GPAT3: variants seen among roughly 807,000 people sequenced by gnomAD.
The protein encoded by GPAT3 is 1-AGP acyltransferase 9.
A neutral mutation model predicts 58.8 loss-of-function variants in GPAT3; 53 were observed. The ratio of observed to expected loss-of-function variants is 0.90; its 90% confidence interval spans 0.72 to 1.13. GPAT3 has a LOEUF of 1.13. Ranked by LOEUF, GPAT3 falls within the 50% of genes most tolerant of loss-of-function variation. The probability of loss-of-function intolerance (pLI) is 0.00; values close to 1 mark genes in which losing one functional copy is unlikely to be tolerated. For missense variants in GPAT3, 511 were observed against 527.6 expected (o/e 0.97, Z 0.31); for synonymous variants, 197 against 187.4 (o/e 1.05, Z -0.42).
At chr4:83,562,458 G>A (rs1725211493) in intron 2 of GPAT3, among the ~76,000 whole-genome samples, 1 of 151,374 alleles carries the variant, frequency 6.6e-6, no homozygotes, top group South Asian at 2.1e-4. Context: ...GTGTGTGGGA[G>A]AAGTGGAGAA....
chr4:83,576,990 C>T (rs1725845209), intron 2 of GPAT3, among the ~76,000 whole-genome samples: 2 of 152,134 alleles, frequency 1.3e-5, no homozygotes, highest in African/African-American at 2.4e-5. Context: ...AACCTGGAAG[C>T]ACCACTTTCA....
intron 2 of GPAT3, among the ~76,000 whole-genome samples, chr4:83,578,159 T>A (rs557178356): frequency 2.4e-4 from 36 of 152,324 alleles, no homozygotes; most frequent in African/African-American, 8.4e-4. Flanking sequence ...TGTTTTCAAA[T>A]GTTTCATCAA....
chr4:83,538,249 G>A (rs1202593411), intron 1 of GPAT3, among the ~76,000 whole-genome samples: 2 of 152,080 alleles, frequency 1.3e-5, no homozygotes, highest in Non-Finnish European at 2.9e-5. Flanking sequence ...TCTTGTTTGT[G>A]GCTATTTCTT....
At chr4:83,538,982 G>T (rs901961045) in intron 1 of GPAT3, among the ~76,000 whole-genome samples, 2 of 152,144 alleles carry the variant, frequency 1.3e-5, no homozygotes, top group African/African-American at 4.8e-5. Context: ...GGTTGCGGCT[G>T]CCTGGAACTC....
chr4:83,583,564 A>G (rs1364517521), intron 3 of GPAT3, among the ~76,000 whole-genome samples: 4 of 140,936 alleles, frequency 2.8e-5, no homozygotes, highest in Admixed American at 1.5e-4. Flanking sequence ...GCTACTTGGG[A>G]GGCTGAGGCA....
rs749608403 is a variant in GPAT3, at chr4:83,581,762, A to C, written c.409A>C (p.Ile137Leu). ...AAGAACCAATGTAAATTTCCAGTAC[A>C]TCAGTCTGCGGCTCACTATGGTGTG... The part of the protein sequence containing the change: ...LTRTNVNFQY[I>L]SLRLTMVWVL... Residue 137 changes from isoleucine (I) to leucine (L), a missense_variant, in exon 3 of 12, where the codon ATC becomes CTC. By Grantham distance (5) the Ile-to-Leu change is conservative. Transcript: ENST00000264409. 3.7e-6 allele frequency: 6 copies of C among 1,614,200 alleles called. No individual in the cohort carries two copies. The highest frequency in any genetic ancestry group is 4.2e-6 in the Non-Finnish European group (5 of 1,180,036).
At chr4:83,537,947 C>T (rs1209901574) in intron 1 of GPAT3, among the ~76,000 whole-genome samples, 1 of 152,054 alleles carries the variant, frequency 6.6e-6, no homozygotes, top group East Asian at 1.9e-4. Flanking sequence ...ACTCCTATTT[C>T]CATAGGGTTG....
chr4:83,566,803 T>C (rs1725410833), intron 2 of GPAT3, among the ~76,000 whole-genome samples: 1 of 151,818 alleles, frequency 6.6e-6, no homozygotes, highest in Non-Finnish European at 1.5e-5. Flanking sequence ...CTTTTTTTTT[T>C]TTCCCCATTT....
At chr4:83,581,095 CAAAA>C (rs35894737) in intron 2 of GPAT3, among the ~76,000 whole-genome samples, 1 of 70,292 alleles carries the variant, frequency 1.4e-5, no homozygotes, top group Non-Finnish European at 2.5e-5. Flanking sequence ...GACTCCGTCT[CAAAA>C]AAAAAAAAAA....
intron 2 of GPAT3, among the ~76,000 whole-genome samples, chr4:83,575,417 T>C (rs1725773882): frequency 6.6e-6 from 1 of 152,040 alleles, no homozygotes; most frequent in African/African-American, 2.4e-5. Flanking sequence ...TTATTTTATT[T>C]ATTTATTTTT....
rs1560610763 is a variant in GPAT3, at chr4:83,562,188, TATATATATATA to T, written c.208+17598_208+17608del. ...CTAGTTATTTTATATATTATATATA[TATATATATATA>T]ATATATATATATTATATATATATAT... is the stretch of plus-strand genomic sequence containing the variant. On this transcript the variant is annotated intron_variant, in intron 2 of 11. Coordinates refer to ENST00000264409, the MANE Select transcript of GPAT3 (RefSeq NM_032717.5). 6.8e-4 allele frequency among the ~76,000 whole-genome samples: 36 copies of T among 52,780 alleles called. 1 individual carries two copies. Among genetic ancestry groups the T allele is most frequent in the African/African-American group, 3.7e-3 (32 of 8,610 alleles). The allele number at this position is 52,780 out of a possible 152,430, so 34.6% of individuals were successfully genotyped here.
chr4:83,595,218 G>C (rs1333938376), intron 7 of GPAT3: 2 of 253,336 alleles, frequency 7.9e-6, no homozygotes, highest in African/African-American at 4.5e-5. Flanking sequence ...TCCAGTCACT[G>C]AATTTTCAAA....
At position 83,590,305 on chromosome 4, in the gene GPAT3, C is replaced by T; in HGVS notation, c.738+13C>T. 1.9e-6 allele frequency: 3 copies of T among 1,605,424 alleles called. No individual in the cohort carries two copies. The highest frequency in any genetic ancestry group is 2.6e-6 in the Non-Finnish European group (3 of 1,175,434). On this transcript the variant is annotated intron_variant, in intron 6 of 11. Coordinates refer to ENST00000264409, the MANE Select transcript of GPAT3 (RefSeq NM_032717.5). ...ATGTTATGCTATGGTAAGAGCAGCTCATTGATATTTCAAGTAGTTGCATGT... is the reference window on the plus strand; with the variant it reads ...ATGTTATGCTATGGTAAGAGCAGCTTATTGATATTTCAAGTAGTTGCATGT...
At position 83,594,860 on chromosome 4, in the gene GPAT3, G is replaced by A. The variant is rs760068026; in HGVS notation, c.754G>A (p.Gly252Ser). The change falls in exon 7 of 12, where the codon GGC (glycine) becomes AGC (serine). Residue 252 changes from glycine (G) to serine (S), a missense_variant. Gly to Ser is a moderately conservative substitution (Grantham distance 56). Coordinates refer to ENST00000264409, the MANE Select transcript of GPAT3 (RefSeq NM_032717.5). ...GCYAMVGQVH[G>S]GLMGIIQRAM... The stretch of plus-strand genomic sequence containing the variant: ...CTACTTCTAGGTTGGCCAGGTTCAT[G>A]GCGGCTTGATGGGAATTATTCAGAG... 1.2e-6 allele frequency: 2 copies of A among 1,613,718 alleles called. No homozygotes were observed. Among genetic ancestry groups the A allele is most frequent in the African/African-American group, 2.7e-5 (2 of 74,888 alleles).
intron 11 of GPAT3, among the ~76,000 whole-genome samples, chr4:83,603,315 G>A (rs1185652426): frequency 6.6e-6 from 1 of 152,168 alleles, no homozygotes; most frequent in Non-Finnish European, 1.5e-5. Flanking sequence ...AGCATGCAGA[G>A]TTCTTATACC....
upstream of GPAT3, chr4:83,535,791 G>T (rs539874831): frequency 1.0e-6 from 1 of 985,496 alleles, no homozygotes; most frequent in Admixed American, 6.1e-5. Context: ...GGTGCGCTCT[G>T]CGTTTTCCTG....
In GPAT3 at chr4:83,598,035, T is replaced by G. The variant is rs769728388; in HGVS notation, c.997-16T>G. ...ACCCTTATTTCATAACTGAGATGTATTTTCTTTTTTCTCAGTATAACCCTC... is the reference window on the plus strand; with the variant it reads ...ACCCTTATTTCATAACTGAGATGTAGTTTCTTTTTTCTCAGTATAACCCTC... On this transcript the variant is annotated splice_polypyrimidine_tract_variant and intron_variant, in intron 9 of 11. Coordinates refer to ENST00000264409, the MANE Select transcript of GPAT3 (RefSeq NM_032717.5). The G allele has an allele frequency of 6.2e-7, 1 of 1,612,880 alleles. No individual in the cohort carries two copies. Among genetic ancestry groups the G allele is most frequent in the African/African-American group, 1.3e-5 (1 of 74,952 alleles).
intron 2 of GPAT3, among the ~76,000 whole-genome samples, chr4:83,580,614 G>A (rs1726076884): frequency 1.3e-5 from 2 of 152,164 alleles, no homozygotes; most frequent in Non-Finnish European, 2.9e-5. Flanking sequence ...GAGAGTACCT[G>A]TGTCATTTCA....
chr4:83,546,303 G>T (rs1265092096), intron 2 of GPAT3, among the ~76,000 whole-genome samples: 1 of 151,284 alleles, frequency 6.6e-6, no homozygotes, highest in Non-Finnish European at 1.5e-5. Flanking sequence ...AGTTTTAAAG[G>T]ACACAAAGTA....
Sources: gnomAD v4.1 joint callset for allele counts (sites outside exome capture counted in the v4.1 genomes callset) on GRCh38, gnomAD v4.1.1 for gene constraint, MANE v1.5 for transcripts, NCBI Gene and HGNC (gene_info 2026-07-23, HGNC 2026-07-21) for gene names.